Variants in ADGRL3 observed in about 807,000 individuals in gnomAD.
The protein encoded by ADGRL3 is adhesion G protein-coupled receptor L3, also known as calcium-independent alpha-latrotoxin receptor 3.
ADGRL3 carries 62 observed loss-of-function variants against 153.5 expected under a neutral mutation model. That is an observed-to-expected ratio of 0.40 (90% CI 0.33 to 0.50). The LOEUF (loss-of-function observed/expected upper bound fraction) is 0.50. Among genes scored for constraint, ADGRL3 ranks in the 20% least tolerant of loss-of-function variants. ADGRL3 has a pLI of 0.47. For missense variants in ADGRL3, 1,641 were observed against 1,859.4 expected (o/e 0.88, Z 2.16); for synonymous variants, 710 against 672.5 (o/e 1.06, Z -0.86).
In ADGRL3 at chr4:61,892,935, A is replaced by G. The variant is rs375485809; in HGVS notation, c.1760A>G (p.Gln587Arg). 2 of 1,536,598 alleles carry G rather than the reference A, an allele frequency of 1.3e-6. No homozygotes were observed. Among genetic ancestry groups the G allele is most frequent in the African/African-American group, 2.8e-5 (2 of 72,128 alleles). ...ACTCGTCAAGGACAGATAGCAAAGC[A>G]GCCATGCCCTGCAGGAACTATAGGT... is the stretch of plus-strand genomic sequence containing the variant. ...FKTRQGQIAK[Q>R]PCPAGTIGVS... is the part of the protein sequence containing the mutation. Residue 587 changes from glutamine to arginine, a missense_variant, in exon 10 of 27, where the codon CAG becomes CGG. This residue lies in a region of ADGRL3 where 734 missense variants were observed against 797.0 expected (regional missense o/e 0.92). Coordinates refer to ENST00000683033, the MANE Select transcript of ADGRL3 (RefSeq NM_001387552.1).
chr4:61,510,565 G>A (rs2098458114), intron 3 of ADGRL3, among the ~76,000 whole-genome samples: 1 of 152,104 alleles, frequency 6.6e-6, no homozygotes, highest in Non-Finnish European at 1.5e-5. Flanking sequence ...AGATCAGATG[G>A]TTGTATGTGT....
chr4:61,621,585 T>G (rs561489551), intron 5 of ADGRL3, among the ~76,000 whole-genome samples: 1 of 152,276 alleles, frequency 6.6e-6, no homozygotes, highest in East Asian at 1.9e-4. Context: ...TTCATTATCT[T>G]TTTAAAAAAT....
chr4:61,242,807 G>A (rs1406478602), intron 1 of ADGRL3, among the ~76,000 whole-genome samples: 1 of 152,066 alleles, frequency 6.6e-6, no homozygotes, highest in Non-Finnish European at 1.5e-5. Flanking sequence ...ACAGACTGTC[G>A]TTTTCTTCAC....
chr4:61,680,302 G>A (rs2095306353), intron 6 of ADGRL3, among the ~76,000 whole-genome samples: 1 of 122,696 alleles, frequency 8.2e-6, no homozygotes, highest in African/African-American at 3.1e-5. Flanking sequence ...TCGAATTTAT[G>A]ACCACAAACT....
chr4:61,437,381 T>C (rs2097461282), intron 2 of ADGRL3, among the ~76,000 whole-genome samples: 1 of 152,212 alleles, frequency 6.6e-6, no homozygotes, highest in Non-Finnish European at 1.5e-5. Context: ...AACATATTAC[T>C]GACAGTGAAG....
At chr4:61,374,091 G>T (rs113765548) in intron 1 of ADGRL3, among the ~76,000 whole-genome samples, 32 of 152,260 alleles carry the variant, frequency 2.1e-4, no homozygotes, top group African/African-American at 6.5e-4. Flanking sequence ...TCATGTATGA[G>T]TAAAACTTCA....
At chr4:61,339,602 T>C (rs1560493319) in intron 1 of ADGRL3, among the ~76,000 whole-genome samples, 1 of 152,222 alleles carries the variant, frequency 6.6e-6, no homozygotes, top group Non-Finnish European at 1.5e-5. Flanking sequence ...ATTTATACCA[T>C]GCAAGAGACT....
At chr4:62,041,823 G>T (rs1728460938) in intron 24 of ADGRL3, among the ~76,000 whole-genome samples, 1 of 151,990 alleles carries the variant, frequency 6.6e-6, no homozygotes, top group South Asian at 2.1e-4. Context: ...TCCTCTGCCT[G>T]CAATACTTCT....
At chr4:61,679,655 C>A (rs1159526536) in intron 6 of ADGRL3, among the ~76,000 whole-genome samples, 1 of 152,006 alleles carries the variant, frequency 6.6e-6, no homozygotes, top group Non-Finnish European at 1.5e-5. Flanking sequence ...CAAGATCCTC[C>A]TTGTTATGTG....
At chr4:62,055,139 C>T (rs1478203008) in intron 25 of ADGRL3, among the ~76,000 whole-genome samples, 1 of 151,746 alleles carries the variant, frequency 6.6e-6, no homozygotes, top group African/African-American at 2.4e-5. Flanking sequence ...GCTCATATGT[C>T]TGGACAAGAA....
At chr4:61,260,399 G>C (rs1261418384) in intron 1 of ADGRL3, among the ~76,000 whole-genome samples, 1 of 152,190 alleles carries the variant, frequency 6.6e-6, no homozygotes, top group Admixed American at 6.5e-5. Context: ...GAAATGGATA[G>C]AGTCTGTATA....
At chr4:61,670,809 C>T (rs1322909647) in intron 5 of ADGRL3, among the ~76,000 whole-genome samples, 1 of 152,148 alleles carries the variant, frequency 6.6e-6, no homozygotes, top group Non-Finnish European at 1.5e-5. Flanking sequence ...GCCATAGTAA[C>T]TCCATCTTGA....
chr4:61,619,674 A>C (rs904796575), intron 5 of ADGRL3, among the ~76,000 whole-genome samples: 1 of 152,152 alleles, frequency 6.6e-6, no homozygotes, highest in African/African-American at 2.4e-5. Context: ...TAGTAATTGA[A>C]ACTCATAAGG....
At chr4:61,606,428 C>T (rs1184003961) in intron 5 of ADGRL3, among the ~76,000 whole-genome samples, 1 of 152,170 alleles carries the variant, frequency 6.6e-6, no homozygotes, top group African/African-American at 2.4e-5. Context: ...TTTCTGGAGT[C>T]TAGAAGTTCA....
At position 61,200,902 on chromosome 4, in the gene ADGRL3, C is replaced by T. The variant is rs369654669; in HGVS notation, c.-1103C>T. On this transcript the variant is annotated 5_prime_UTR_variant, in exon 1 of 27. Transcript: ENST00000683033. ...ACCCCACGGGCTCGGGGTTCGCCGGCCCCCGGGACGCAGCCCTCGGCGGCC... is the reference window on the plus strand; with the variant it reads ...ACCCCACGGGCTCGGGGTTCGCCGGTCCCCGGGACGCAGCCCTCGGCGGCC... 6.6e-6 allele frequency among the ~76,000 whole-genome samples: 1 copy of T among 151,654 alleles called. No individual in the cohort carries two copies. The highest frequency in any genetic ancestry group is 2.1e-4 in the South Asian group (1 of 4,822).
intron 10 of ADGRL3, 58 bp from the exon 11 acceptor site, chr4:61,895,673 C>A: frequency 2.4e-6 from 2 of 839,598 alleles, no homozygotes; most frequent in Non-Finnish European, 3.8e-6. Flanking sequence ...TAAAATATAC[C>A]ATGGATGTGA....
At chr4:61,258,373 T>A (rs1174455540) in intron 1 of ADGRL3, among the ~76,000 whole-genome samples, 1 of 152,164 alleles carries the variant, frequency 6.6e-6, no homozygotes, top group Admixed American at 6.5e-5. Context: ...ATGTGGTTTA[T>A]GTTGTATCAT....
rs1553936136 is a variant in ADGRL3 at position 61,465,749 on chromosome 4, T to TTATATATAAATATA, written c.-173-31363_-173-31350dup. ...CTTGGACTGACTCTGGATTTTAAAA[T>TTATATATAAATATA]TATATATAAATATATATATATATAT... is the stretch of plus-strand genomic sequence containing the variant. On this transcript the variant is annotated intron_variant, in intron 2 of 26. Transcript: ENST00000683033. Among the ~76,000 whole-genome samples, 3 of 27,794 alleles carry TTATATATAAATATA rather than the reference T, an allele frequency of 1.1e-4. No homozygotes were observed. The Admixed American group carries it at 1.8e-3, about 17-fold the overall frequency. The allele number at this position is 27,794 out of a possible 152,430, so 18.2% of individuals were successfully genotyped here.
intron 1 of ADGRL3, among the ~76,000 whole-genome samples, chr4:61,232,481 G>A (rs1444888865): frequency 1.3e-5 from 2 of 151,798 alleles, no homozygotes; most frequent in African/African-American, 2.4e-5. Context: ...ACTAATTTTT[G>A]TATTTTTAGT....
Sources: gnomAD v4.1 joint callset for allele counts (sites outside exome capture counted in the v4.1 genomes callset) on GRCh38, gnomAD v4.1.1 for gene constraint, gnomAD v4.1.1 regional missense constraint, MANE v1.5 for transcripts, NCBI Gene and HGNC (gene_info 2026-07-23, HGNC 2026-07-21) for gene names.